Variants in HDAC4 observed in about 807,000 individuals in gnomAD.
The protein encoded by HDAC4 is histone deacetylase A.
HDAC4 carries 16 observed loss-of-function variants against 135.1 expected under a neutral mutation model. The observed-to-expected ratio is 0.12, with a 90% CI of 0.08 to 0.18. HDAC4 has a LOEUF of 0.18. Ranked by LOEUF, HDAC4 falls within the 10% of genes least tolerant of loss-of-function variation. The pLI is 1.00. For synonymous variants in HDAC4, 685 were observed against 653.4 expected (o/e 1.05, Z -0.74); for missense variants, 1,143 against 1,511.8 (o/e 0.76, Z 4.05).
rs527400445 is a variant in HDAC4, at chr2:239,076,972, C to T, written c.2750+4123G>A. ...AAAATCAGCCCCTACTCCCCTCAAT[C>T]CCATCTCACTTCAACCTCTTTGAGA... On this transcript the variant is annotated intron_variant, in intron 22 of 26. Coordinates refer to ENST00000543185, the MANE Select transcript of HDAC4 (RefSeq NM_001378414.1). 1.1e-3 allele frequency among the ~76,000 whole-genome samples: 162 copies of T among 152,272 alleles called. 1 individual carries two copies. Among genetic ancestry groups the T allele is most frequent in the Admixed American group, 7.5e-3 (115 of 15,296 alleles).
At chr2:239,361,025 C>G (rs756739017) in intron 1 of HDAC4, among the ~76,000 whole-genome samples, 16 of 152,208 alleles carry the variant, frequency 1.1e-4, no homozygotes, top group Non-Finnish European at 2.2e-4. Flanking sequence ...CCTGATCGCC[C>G]CACCCCAGAC....
At chr2:239,278,696 C>G (rs1356486371) in intron 2 of HDAC4, among the ~76,000 whole-genome samples, 1 of 152,178 alleles carries the variant, frequency 6.6e-6, no homozygotes, top group Non-Finnish European at 1.5e-5. Flanking sequence ...ATGTTTTGTA[C>G]CACATGTCAG....
At chr2:239,196,504 A>T (rs1268517859) in intron 3 of HDAC4, among the ~76,000 whole-genome samples, 3 of 152,220 alleles carry the variant, frequency 2.0e-5, no homozygotes, top group Non-Finnish European at 1.5e-5. Context: ...AGGCAGCAAC[A>T]CCAGTGCAGT....
chr2:239,101,453 C>T (rs961535766), intron 16 of HDAC4, among the ~76,000 whole-genome samples: 4 of 152,194 alleles, frequency 2.6e-5, no homozygotes, highest in African/African-American at 4.8e-5. Context: ...AGGCCTGGCA[C>T]GGAGGACACC....
At chr2:239,263,644 G>A (rs1423367426) in intron 2 of HDAC4, among the ~76,000 whole-genome samples, 6 of 152,168 alleles carry the variant, frequency 3.9e-5, no homozygotes, top group Non-Finnish European at 5.9e-5. Context: ...TGTTCTAGAA[G>A]GACACGGGAG....
intron 15 of HDAC4, among the ~76,000 whole-genome samples, chr2:239,106,431 T>C (rs1188585368): frequency 2.6e-5 from 4 of 152,170 alleles, no homozygotes; most frequent in African/African-American, 7.2e-5. Context: ...GCAGGACAGC[T>C]GTCTGGTCCT....
intron 11 of HDAC4, among the ~76,000 whole-genome samples, chr2:239,128,018 G>A (rs1424638018): frequency 6.6e-6 from 1 of 152,180 alleles, no homozygotes; most frequent in African/African-American, 2.4e-5. Flanking sequence ...CATCCAGACA[G>A]ACTAAACCCA....
intron 6 of HDAC4, among the ~76,000 whole-genome samples, chr2:239,159,163 CACT>C (rs1019461444): frequency 2.5e-4 from 38 of 151,230 alleles, no homozygotes; most frequent in Admixed American, 1.6e-3. Context: ...ACCTGCACCT[CACT>C]ACTACTCGCC....
chr2:239,363,056 A>C (rs945277509), intron 1 of HDAC4, among the ~76,000 whole-genome samples: 1 of 152,230 alleles, frequency 6.6e-6, no homozygotes, highest in African/African-American at 2.4e-5. Flanking sequence ...GATAACATTT[A>C]TAATAGCATA....
At chr2:239,198,806 A>T (rs2045570370) in intron 3 of HDAC4, among the ~76,000 whole-genome samples, 1 of 152,168 alleles carries the variant, frequency 6.6e-6, no homozygotes, top group African/African-American at 2.4e-5. Flanking sequence ...AAATTCCAAA[A>T]ATACACAAAA....
At chr2:239,208,326 C>CAAA (rs759398313) in intron 3 of HDAC4, among the ~76,000 whole-genome samples, 2,359 of 67,542 alleles carry the variant, frequency 0.035, 61 homozygotes, top group East Asian at 0.066. Context: ...GACTCCGTCC[C>CAAA]AAAAAAAAAA....
In HDAC4 at chr2:239,115,576, G is replaced by A. The variant is rs2039054881; in HGVS notation, c.1534-266C>T. Among the ~76,000 whole-genome samples the A allele has an allele frequency of 4.6e-5, 7 of 152,116 alleles. No homozygotes were observed. In the South Asian group the frequency reaches 1.5e-3, roughly 32 times the overall value. On this transcript the variant is annotated intron_variant, in intron 12 of 26. Transcript: ENST00000543185. The surrounding 1 kb of genome is among the most constrained non-coding windows in gnomAD (Gnocchi z 6.3). ...GGAAGGAGGCTGACTAACATTTGGG[G>A]TTTACTAAGCACCTCTTCTGTGTCA...
At chr2:239,062,918 C>A (rs1188371900) in intron 24 of HDAC4, among the ~76,000 whole-genome samples, 1 of 152,176 alleles carries the variant, frequency 6.6e-6, no homozygotes, top group African/African-American at 2.4e-5. Context: ...CCTCTCGGCA[C>A]CCCTCTGGCT....
At chr2:239,356,155 T>G (rs979312049) in intron 1 of HDAC4, among the ~76,000 whole-genome samples, 1 of 152,094 alleles carries the variant, frequency 6.6e-6, no homozygotes, top group Non-Finnish European at 1.5e-5. Flanking sequence ...CATCACATAG[T>G]TTTAAAAATA....
intron 1 of HDAC4, among the ~76,000 whole-genome samples, chr2:239,365,770 C>G (rs1418857225): frequency 2.0e-5 from 3 of 150,792 alleles, no homozygotes; most frequent in Admixed American, 6.6e-5. Context: ...GGGACACACA[C>G]AGACACGCAT....
intron 11 of HDAC4, among the ~76,000 whole-genome samples, chr2:239,127,355 T>C (rs3791451): frequency 0.14 from 21,598 of 152,248 alleles, 1,800 homozygotes; most frequent in Admixed American, 0.19. Context: ...ATTAAAAGAA[T>C]CCATTTTGAT....
chr2:239,126,648 G>C lies in HDAC4; in HGVS notation c.1341C>G (p.Ser447=). The C allele has an allele frequency of 6.2e-7, 1 of 1,614,040 alleles. No individual in the cohort carries two copies. The highest frequency in any genetic ancestry group is 1.1e-5 in the South Asian group (1 of 91,088). The change falls in exon 12 of 27, where the codon TCC becomes TCG. Residue 447 remains serine (S), a synonymous_variant. Coordinates refer to ENST00000543185, the MANE Select transcript of HDAC4 (RefSeq NM_001378414.1). Reference sequence around the variant, plus strand: ...GGGACACCCGGTCTGCACCAACCAAGGACTGTGCGTGGAGGGGCAGTGCTC... The same window carrying C: ...GGGACACCCGGTCTGCACCAACCAACGACTGTGCGTGGAGGGGCAGTGCTC... ...GLGALPLHAQ[S]LVGADRVSPS...
At chr2:239,080,995 A>C in intron 22 of HDAC4, 100 bp downstream of exon 22, 1 of 889,662 alleles carries the variant, frequency 1.1e-6, no homozygotes, top group South Asian at 1.5e-5. Flanking sequence ...TCAGCCACAG[A>C]CCAGTTTCAG....
intron 16 of HDAC4, among the ~76,000 whole-genome samples, chr2:239,097,033 G>A (rs547788331): frequency 6.6e-6 from 1 of 152,328 alleles, no homozygotes; most frequent in East Asian, 1.9e-4. Flanking sequence ...GGGAGGATAG[G>A]CCCGGCCCCC....
Sources: allele counts gnomAD v4.1 joint callset (sites outside exome capture counted in the v4.1 genomes callset), GRCh38; gene constraint gnomAD v4.1.1; non-coding constraint Gnocchi (gnomAD v3.1); transcripts MANE v1.5; gene names NCBI Gene and HGNC (gene_info 2026-07-23, HGNC 2026-07-21).